The following SAMD3 variants were observed in gnomAD, a reference collection of about 807,000 sequenced individuals.
The protein encoded by SAMD3 is sterile alpha motif domain containing 3, also known as sterile alpha motif domain-containing protein 3.
A neutral mutation model predicts 58.5 loss-of-function variants in SAMD3; 63 were observed. That is an observed-to-expected ratio of 1.08 (90% CI 0.88 to 1.33). The LOEUF (loss-of-function observed/expected upper bound fraction) is 1.33. SAMD3 is among the 40% of genes most tolerant of loss of function. The probability of loss-of-function intolerance (pLI) is 0.00; values close to 1 mark genes in which losing one functional copy is unlikely to be tolerated. For synonymous variants in SAMD3, 220 were observed against 210.3 expected, an observed-to-expected ratio of 1.05 and a Z score of -0.40; for missense variants, 604 against 608.4, an observed-to-expected ratio of 0.99 and a Z score of 0.08.
At chr6:130,353,745 A>G (rs1777747262) in intron 1 of SAMD3, among the ~76,000 whole-genome samples, 1 of 152,204 alleles carries the variant, frequency 6.6e-6, no homozygotes, top group African/African-American at 2.4e-5. Context: ...GAAAGATCAA[A>G]CTAACTCCCC....
intron 1 of SAMD3, among the ~76,000 whole-genome samples, chr6:130,355,175 G>A (rs537105645): frequency 1.6e-4 from 24 of 152,284 alleles, no homozygotes; most frequent in African/African-American, 5.1e-4. Context: ...TGTGATCCTA[G>A]CACTTTGGGA....
chr6:130,342,003 C>T (rs4895882), intron 1 of SAMD3, among the ~76,000 whole-genome samples: 15,231 of 152,160 alleles, frequency 0.1, 961 homozygotes, highest in Admixed American at 0.14. Flanking sequence ...CTGACCTTAC[C>T]ATAATTGTTT....
Position 130,184,420 on chromosome 6 carries a change from TG to T in SAMD3, c.569+17del. 6.2e-7 allele frequency: 1 copy of T among 1,608,774 alleles called. No individual in the cohort carries two copies. Among genetic ancestry groups the T allele is most frequent in the Non-Finnish European group, 8.5e-7 (1 of 1,176,520 alleles). On this transcript the variant is annotated intron_variant, in intron 6 of 11. Transcript: ENST00000439090. ...AGACCCTTTCCCAAAGCAGCAAGCTTGTCCTGTTGTCACTCACAGTGAGCCT... is the reference window on the plus strand; with the variant it reads ...AGACCCTTTCCCAAAGCAGCAAGCTTTCCTGTTGTCACTCACAGTGAGCCT...
At chr6:130,219,301 A>G (rs960993083) in intron 1 of SAMD3, among the ~76,000 whole-genome samples, 2 of 151,120 alleles carry the variant, frequency 1.3e-5, no homozygotes, top group African/African-American at 2.5e-5. Flanking sequence ...GATATGAAAC[A>G]GCCATTTTTT....
At chr6:130,359,053 C>G (rs774965508) in intron 1 of SAMD3, among the ~76,000 whole-genome samples, 56 of 152,068 alleles carry the variant, frequency 3.7e-4, no homozygotes, top group Non-Finnish European at 5.9e-4. Context: ...GGATAAACTA[C>G]TTAATCTCCC....
chr6:130,164,796 G>A (rs1790577608), intron 8 of SAMD3, among the ~76,000 whole-genome samples: 1 of 152,040 alleles, frequency 6.6e-6, no homozygotes, highest in South Asian at 2.1e-4. Flanking sequence ...TGTCACATCT[G>A]CTCACATTTC....
At position 130,150,119 on chromosome 6, in the gene SAMD3, G is replaced by A. The variant is rs555544212; in HGVS notation, c.1024-3938C>T. On this transcript the variant is annotated intron_variant, in intron 9 of 11. Coordinates refer to ENST00000439090, the MANE Select transcript of SAMD3 (RefSeq NM_001017373.4). ...GGTTCATGTGTGTGTGTGTGCGCGC[G>A]TGTGTGTGTGCGTGTATTTCATTTC... is the stretch of plus-strand genomic sequence containing the variant. Among the ~76,000 whole-genome samples, 14 of 151,846 alleles carry A rather than the reference G, an allele frequency of 9.2e-5. 1 individual carries two copies. Among genetic ancestry groups the A allele is most frequent in the Admixed American group, 6.6e-4 (10 of 15,244 alleles).
intron 2 of SAMD3, among the ~76,000 whole-genome samples, chr6:130,239,212 G>C (rs1385248226): frequency 6.6e-6 from 1 of 152,172 alleles, no homozygotes; most frequent in Non-Finnish European, 1.5e-5. Flanking sequence ...AGATAAAGCT[G>C]CCTCTATTTC....
At chr6:130,316,065 T>C (rs1470588143) in intron 1 of SAMD3, among the ~76,000 whole-genome samples, 1 of 151,442 alleles carries the variant, frequency 6.6e-6, no homozygotes, top group African/African-American at 2.4e-5. Context: ...CCGAGGTGGG[T>C]GGATCACTTG....
rs540690649 is a variant in SAMD3 at position 130,156,779 on chromosome 6, A to G, written c.823-1754T>C. Among the ~76,000 whole-genome samples, 7 of 152,250 alleles carry G rather than the reference A, an allele frequency of 4.6e-5. No homozygotes were observed. In the East Asian group the frequency reaches 1.4e-3, roughly 29 times the overall value. ...TGAGGCCAGGAGTTTGAGAGAAGCC[A>G]GGGCAACATAGCAAGGCTCTATCTC... is the stretch of plus-strand genomic sequence containing the variant. On this transcript the variant is annotated intron_variant, in intron 8 of 11. Transcript: ENST00000439090.
chr6:130,285,356 C>G (rs1775119711), intron 2 of SAMD3, among the ~76,000 whole-genome samples: 1 of 152,048 alleles, frequency 6.6e-6, no homozygotes, highest in Admixed American at 6.6e-5. Context: ...AATTACAGAT[C>G]AAATTGAGAG....
chr6:130,256,467 C>T (rs932071406), intron 2 of SAMD3, among the ~76,000 whole-genome samples: 8 of 152,160 alleles, frequency 5.3e-5, no homozygotes, highest in Admixed American at 2.6e-4. Context: ...TTTTAAAATT[C>T]ATAACCATTA....
chr6:130,257,026 C>A (rs1353198105), intron 2 of SAMD3, among the ~76,000 whole-genome samples: 1 of 152,102 alleles, frequency 6.6e-6, no homozygotes, highest in African/African-American at 2.4e-5. Context: ...TATGTAGAGG[C>A]CTTAACCCCC....
At chr6:130,309,838 T>A (rs1278549741) in intron 2 of SAMD3, among the ~76,000 whole-genome samples, 2 of 152,212 alleles carry the variant, frequency 1.3e-5, no homozygotes, top group African/African-American at 4.8e-5. Flanking sequence ...AAGCTCCCTA[T>A]CTAACACCTT....
intron 2 of SAMD3, among the ~76,000 whole-genome samples, chr6:130,239,964 A>G (rs1461080240): frequency 1.3e-5 from 2 of 152,310 alleles, no homozygotes; most frequent in African/African-American, 2.4e-5. Context: ...GGCTTCTCAC[A>G]TTGCTGGGCA....
intron 2 of SAMD3, among the ~76,000 whole-genome samples, chr6:130,301,068 C>T (rs896589046): frequency 8.5e-5 from 13 of 152,062 alleles, no homozygotes; most frequent in Admixed American, 7.2e-4. Context: ...GAACATGCGG[C>T]GTTTGGTTTT....
intron 2 of SAMD3, among the ~76,000 whole-genome samples, chr6:130,272,477 A>T (rs1332101651): frequency 6.6e-6 from 1 of 152,168 alleles, no homozygotes; most frequent in Admixed American, 6.6e-5. Flanking sequence ...ACCTCCCCCA[A>T]AATAGGTCCA....
In SAMD3 at chr6:130,237,077, A is replaced by G. The variant is rs148121591; in HGVS notation, c.-187-14264T>C. Among the ~76,000 whole-genome samples the G allele has an allele frequency of 4.5e-3, 656 of 146,986 alleles. 7 individuals are homozygous for G. Among genetic ancestry groups the G allele is most frequent in the African/African-American group, 0.017 (613 of 36,440 alleles). ...TATTATAGGTTTATTATAATTAATGACTACTATGTACTACATTAATTAAAA... is the reference window on the plus strand; with the variant it reads ...TATTATAGGTTTATTATAATTAATGGCTACTATGTACTACATTAATTAAAA... On this transcript the variant is annotated intron_variant, in intron 2 of 13. Transcript: ENST00000368134.
chr6:130,346,378 C>T (rs1460429985), intron 1 of SAMD3, among the ~76,000 whole-genome samples: 4 of 152,332 alleles, frequency 2.6e-5, no homozygotes, highest in Non-Finnish European at 5.9e-5. Context: ...CACACTAATA[C>T]TGCGCTTTTC....
Sources: gnomAD v4.1 joint callset for allele counts (sites outside exome capture counted in the v4.1 genomes callset) on GRCh38, gnomAD v4.1.1 for gene constraint, MANE v1.5 for transcripts, NCBI Gene and HGNC (gene_info 2026-07-23, HGNC 2026-07-21) for gene names.